CPEB3: variants seen among roughly 807,000 people sequenced by gnomAD.
CPEB3 encodes the protein cytoplasmic polyadenylation element-binding protein 3.
In CPEB3, 20 loss-of-function variants were observed where a neutral mutation model predicts 67.2. The observed-to-expected ratio is 0.30, with a 90% CI of 0.21 to 0.43. The LOEUF is 0.43. Among genes scored for constraint, CPEB3 ranks in the 20% least tolerant of loss-of-function variants. CPEB3 has a pLI of 1.00. For synonymous variants in CPEB3, 376 were observed against 393.1 expected (o/e 0.96, Z 0.51); for missense variants, 746 against 968.6 (o/e 0.77, Z 3.05).
chr10:92,101,923 A>C (rs1215267477), intron 7 of CPEB3, among the ~76,000 whole-genome samples: 2 of 152,106 alleles, frequency 1.3e-5, no homozygotes, highest in Non-Finnish European at 1.5e-5. Flanking sequence ...ATAAACAAAC[A>C]AACTAGTTTG....
chr10:92,094,163 C>T (rs766009400), intron 7 of CPEB3, among the ~76,000 whole-genome samples: 86 of 152,050 alleles, frequency 5.7e-4, no homozygotes, highest in Non-Finnish European at 1.1e-3. Flanking sequence ...CCACTTTTCG[C>T]CTTTTATGAC....
At chr10:92,259,887 A>G (rs1231172020) in intron 1 of CPEB3, among the ~76,000 whole-genome samples, 12 of 152,198 alleles carry the variant, frequency 7.9e-5, no homozygotes, top group South Asian at 2.1e-4. Flanking sequence ...CAATAAATCT[A>G]TGAGGTAAAT....
chr10:92,067,587 G>C (rs1382834599), intron 9 of CPEB3, among the ~76,000 whole-genome samples: 1 of 152,078 alleles, frequency 6.6e-6, no homozygotes, highest in Non-Finnish European at 1.5e-5. Flanking sequence ...GGGAGGCCGA[G>C]GCAGGCGGAT....
chr10:92,061,026 A>T (rs1452235119), intron 9 of CPEB3, among the ~76,000 whole-genome samples: 2 of 152,224 alleles, frequency 1.3e-5, no homozygotes, highest in Non-Finnish European at 2.9e-5. Flanking sequence ...TATACCCAAA[A>T]GAAAGGACAT....
Position 92,174,996 on chromosome 10 carries a change from T to C in CPEB3, c.1222+5967A>G, listed in dbSNP as rs79719075. ...CTTCATCTGAATCTCACAAAAACAA[T>C]GAGGTAGAGTAAATATCCTAACTGC... On this transcript the variant is annotated intron_variant, in intron 4 of 9. Transcript: ENST00000265997. 2.0e-5 allele frequency among the ~76,000 whole-genome samples: 3 copies of C among 152,124 alleles called. No homozygotes were observed. The East Asian group carries it at 5.8e-4, about 29-fold the overall frequency.
intron 4 of CPEB3, among the ~76,000 whole-genome samples, chr10:92,158,931 T>C (rs1460902420): frequency 6.6e-6 from 1 of 152,244 alleles, no homozygotes; most frequent in Non-Finnish European, 1.5e-5. Flanking sequence ...CCTCAGGTTC[T>C]ATTTTAAAAA....
chr10:92,075,625 G>A (rs1199690568), intron 9 of CPEB3, among the ~76,000 whole-genome samples: 1 of 152,206 alleles, frequency 6.6e-6, no homozygotes, highest in Non-Finnish European at 1.5e-5. Context: ...GATTATGGAT[G>A]AGTGAAATGA....
rs947203442 is a variant in CPEB3, at chr10:92,081,357, C to T, written c.1832G>A (p.Arg611His). ...GTCATTGTGCTGAAGCTGCACAAAA[C>T]GAGCGCTGATGGCTGCAATGTAACT... ...QQSYIAAISA[R>H]FVQLQHNDID... The change falls in exon 9 of 10, where the codon CGT (arginine) becomes CAT (histidine). Residue 611 changes from arginine (R) to histidine (H), a missense_variant. Coordinates refer to ENST00000265997, the MANE Select transcript of CPEB3 (RefSeq NM_014912.5). 6.2e-7 allele frequency: 1 copy of T among 1,614,196 alleles called. No individual in the cohort carries two copies. Among genetic ancestry groups the T allele is most frequent in the Non-Finnish European group, 8.5e-7 (1 of 1,180,036 alleles).
intron 1 of CPEB3, among the ~76,000 whole-genome samples, chr10:92,273,774 G>T (rs1841851948): frequency 6.6e-6 from 1 of 152,104 alleles, no homozygotes; most frequent in Admixed American, 6.6e-5. Context: ...CTCTTAAATG[G>T]AGCTATCATG....
At chr10:92,206,293 G>C (rs1049465453) in intron 2 of CPEB3, among the ~76,000 whole-genome samples, 1 of 151,654 alleles carries the variant, frequency 6.6e-6, no homozygotes, top group Non-Finnish European at 1.5e-5. Flanking sequence ...GGCTGGTCTC[G>C]AACTCCCAAC....
chr10:92,250,276 C>T (rs1379533922), intron 1 of CPEB3, among the ~76,000 whole-genome samples: 8 of 151,376 alleles, frequency 5.3e-5, no homozygotes, highest in African/African-American at 1.2e-4. Context: ...TTAGTAGTGA[C>T]GGGGTTTCAC....
intron 2 of CPEB3, among the ~76,000 whole-genome samples, chr10:92,233,094 A>C (rs1851351324): frequency 6.6e-6 from 1 of 152,226 alleles, no homozygotes; most frequent in Non-Finnish European, 1.5e-5. Context: ...GGATGAGTAG[A>C]CCTTAAAGTG....
chr10:92,092,804 C>T (rs1418354368), intron 7 of CPEB3, among the ~76,000 whole-genome samples: 1 of 151,840 alleles, frequency 6.6e-6, no homozygotes, highest in Non-Finnish European at 1.5e-5. Context: ...GAGAGAATTA[C>T]CTCTTTTGGA....
chr10:92,258,847 T>C (rs1385889790), intron 1 of CPEB3, among the ~76,000 whole-genome samples: 1 of 151,176 alleles, frequency 6.6e-6, no homozygotes, highest in Non-Finnish European at 1.5e-5. Context: ...TTAGTAGAGA[T>C]GGGGTTTTCA....
intron 2 of CPEB3, among the ~76,000 whole-genome samples, chr10:92,214,019 C>T (rs1348277559): frequency 6.6e-6 from 1 of 152,144 alleles, no homozygotes; most frequent in East Asian, 1.9e-4. Flanking sequence ...TACCATTGCA[C>T]ACATATTAAT....
At chr10:92,140,169 G>A (rs1483727483) in intron 6 of CPEB3, among the ~76,000 whole-genome samples, 4 of 151,590 alleles carry the variant, frequency 2.6e-5, no homozygotes, top group Admixed American at 6.6e-5. Context: ...AGCCCACATC[G>A]CCAAGTCAAT....
intron 9 of CPEB3, chr10:92,076,152 C>T (rs750204211): frequency 6.6e-6 from 1 of 152,168 alleles, no homozygotes; most frequent in African/African-American, 2.4e-5. Flanking sequence ...AAATTCACTG[C>T]ATCTATATTT....
chr10:92,229,205 TA>T (rs1047274263), intron 2 of CPEB3, among the ~76,000 whole-genome samples: 1 of 151,940 alleles, frequency 6.6e-6, no homozygotes, highest in Non-Finnish European at 1.5e-5. Context: ...AAAAAATTTT[TA>T]ATTTTTTTAT....
chr10:92,249,451 T>C (rs541370736), intron 1 of CPEB3, among the ~76,000 whole-genome samples: 2 of 152,076 alleles, frequency 1.3e-5, no homozygotes, highest in South Asian at 4.1e-4. Context: ...AATAAATTAC[T>C]GTTGTTGGTT....
Sources: gnomAD v4.1 joint callset for allele counts (sites outside exome capture counted in the v4.1 genomes callset) on GRCh38, gnomAD v4.1.1 for gene constraint, MANE v1.5 for transcripts, NCBI Gene and HGNC (gene_info 2026-07-23, HGNC 2026-07-21) for gene names.